Variants in MCTP1 observed in about 807,000 individuals in gnomAD.
The protein encoded by MCTP1 is multiple C2 and transmembrane domain containing 1.
In MCTP1, 69 loss-of-function variants were observed where a neutral mutation model predicts 120.6. That is an observed-to-expected ratio of 0.57 (90% CI 0.47 to 0.70). MCTP1 has a LOEUF of 0.70. Ranked by LOEUF, MCTP1 falls within the 30% of genes least tolerant of loss-of-function variation. The pLI is 0.00. For synonymous variants in MCTP1, 529 were observed against 493.1 expected, an observed-to-expected ratio of 1.07 and a Z score of -0.96; for missense variants, 1,203 against 1,248.8, an observed-to-expected ratio of 0.96 and a Z score of 0.55.
chr5:95,133,394 G>C (rs141938163), intron 1 of MCTP1, among the ~76,000 whole-genome samples: 1 of 152,294 alleles, frequency 6.6e-6, no homozygotes, highest in African/African-American at 2.4e-5. Context: ...TAATAAGGCC[G>C]GGTGCAGTGG....
At chr5:95,072,181 C>A (rs1752365802) in intron 1 of MCTP1, among the ~76,000 whole-genome samples, 3 of 151,438 alleles carry the variant, frequency 2.0e-5, no homozygotes, top group South Asian at 4.2e-4. Context: ...ACCAATGTAC[C>A]CCACCTCCTA....
intron 1 of MCTP1, among the ~76,000 whole-genome samples, chr5:95,150,753 T>TTATATTTTATA (rs1760818589): frequency 6.6e-6 from 1 of 152,032 alleles, no homozygotes; most frequent in Admixed American, 6.5e-5. Context: ...TCTAAAAATG[T>TTATATTTTATA]TACCACAGAA....
At chr5:94,864,085 G>A (rs910067205) in intron 17 of MCTP1, among the ~76,000 whole-genome samples, 12 of 151,966 alleles carry the variant, frequency 7.9e-5, no homozygotes, top group Admixed American at 7.2e-4. Context: ...TGCCATAGAA[G>A]GAATTCTTGG....
At chr5:94,713,317 A>G (rs1489470421) in intron 20 of MCTP1, among the ~76,000 whole-genome samples, 1 of 152,066 alleles carries the variant, frequency 6.6e-6, no homozygotes, top group Non-Finnish European at 1.5e-5. Flanking sequence ...AGGAAGTTCT[A>G]CAAAACCCAG....
chr5:95,143,531 C>T (rs1053083439), intron 1 of MCTP1, among the ~76,000 whole-genome samples: 1 of 151,978 alleles, frequency 6.6e-6, no homozygotes, highest in East Asian at 1.9e-4. Context: ...ACCCAATAGG[C>T]AGTTTTTCAG....
At chr5:95,190,053 A>G (rs1749659772) in intron 1 of MCTP1, among the ~76,000 whole-genome samples, 1 of 152,186 alleles carries the variant, frequency 6.6e-6, no homozygotes, top group Non-Finnish European at 1.5e-5. Context: ...AGCTTAGAAG[A>G]TGAAGCTACC....
intron 1 of MCTP1, among the ~76,000 whole-genome samples, chr5:95,092,434 G>T (rs1254050309): frequency 6.6e-6 from 1 of 152,176 alleles, no homozygotes; most frequent in East Asian, 1.9e-4. Context: ...GTATTCTGTA[G>T]TACTACGTTC....
chr5:95,280,365 A>T (rs1438657262), intron 1 of MCTP1, among the ~76,000 whole-genome samples: 1 of 152,134 alleles, frequency 6.6e-6, no homozygotes, highest in African/African-American at 2.4e-5. Context: ...TTTAAAGAGA[A>T]AAAAATAAAA....
chr5:95,255,536 CT>C (rs1757793822), intron 1 of MCTP1, among the ~76,000 whole-genome samples: 1 of 152,076 alleles, frequency 6.6e-6, no homozygotes, highest in Non-Finnish European at 1.5e-5. Context: ...GATGGTACCC[CT>C]GGTGCACTGA....
intron 1 of MCTP1, among the ~76,000 whole-genome samples, chr5:95,065,038 AT>A (rs1750256416): frequency 6.6e-6 from 1 of 152,198 alleles, no homozygotes; most frequent in African/African-American, 2.4e-5. Context: ...AAAAAGATAA[AT>A]TTTGCCAATT....
intron 18 of MCTP1, chr5:94,784,896 C>T (rs1044758335): frequency 1.3e-5 from 2 of 151,954 alleles, no homozygotes; most frequent in Non-Finnish European, 2.9e-5. Context: ...AATGCATTTC[C>T]TTGGCTCATT....
chr5:94,953,614 C>T (rs1338047904), intron 2 of MCTP1, among the ~76,000 whole-genome samples: 1 of 150,746 alleles, frequency 6.6e-6, no homozygotes, highest in African/African-American at 2.4e-5. Flanking sequence ...ACAGTCTATT[C>T]CAGCAATCCC....
At chr5:95,226,328 T>G (rs559528891) in intron 1 of MCTP1, among the ~76,000 whole-genome samples, 1 of 152,314 alleles carries the variant, frequency 6.6e-6, no homozygotes, top group South Asian at 2.1e-4. Flanking sequence ...ATTATTTAAT[T>G]GAAAGAGAAC....
At chr5:94,953,844 C>CAAATATATATATACATATATATAT (rs1561916344) in intron 2 of MCTP1, among the ~76,000 whole-genome samples, 3 of 13,986 alleles carry the variant, frequency 2.1e-4, no homozygotes, top group Non-Finnish European at 3.7e-4. Flanking sequence ...TATATATATA[C>CAAATATATATATACATATATATAT]ACAACTATAT....
chr5:95,220,396 C>T (rs796373755), intron 1 of MCTP1, among the ~76,000 whole-genome samples: 5 of 151,506 alleles, frequency 3.3e-5, no homozygotes, highest in African/African-American at 1.2e-4. Flanking sequence ...TGTACAAACA[C>T]TGACGGAATC....
chr5:95,243,523 T>C (rs1756404477), intron 1 of MCTP1, among the ~76,000 whole-genome samples: 1 of 152,224 alleles, frequency 6.6e-6, no homozygotes, highest in Non-Finnish European at 1.5e-5. Context: ...ACAAAGGGTC[T>C]AATATGTCAT....
intron 19 of MCTP1, among the ~76,000 whole-genome samples, chr5:94,717,797 GGA>G (rs969391084): frequency 6.6e-6 from 1 of 151,992 alleles, no homozygotes; most frequent in African/African-American, 2.4e-5. Flanking sequence ...AAAATACCTA[GGA>G]ATACAGGTAA....
intron 17 of MCTP1, among the ~76,000 whole-genome samples, chr5:94,812,983 C>A (rs76935924): frequency 0.1 from 15,485 of 151,298 alleles, 934 homozygotes; most frequent in African/African-American, 0.15. Flanking sequence ...AAAAATTTGG[C>A]CTCATTAAAG....
At chr5:95,062,643 T>C (rs976954317) in intron 1 of MCTP1, among the ~76,000 whole-genome samples, 5 of 152,158 alleles carry the variant, frequency 3.3e-5, no homozygotes, top group African/African-American at 1.2e-4. Context: ...GGTATCTGCA[T>C]TATTTAATTT....
Sources: gnomAD v4.1 joint callset for allele counts (sites outside exome capture counted in the v4.1 genomes callset) on GRCh38, gnomAD v4.1.1 for gene constraint, MANE v1.5 for transcripts, NCBI Gene and HGNC (gene_info 2026-07-23, HGNC 2026-07-21) for gene names.